ACVRL1: variants seen among roughly 807,000 people sequenced by gnomAD.
The protein encoded by ACVRL1 is activin receptor type-1-like.
In ACVRL1, 20 loss-of-function variants were observed where a neutral mutation model predicts 51.9. That is an observed-to-expected ratio of 0.39 (90% CI 0.27 to 0.56). The LOEUF is 0.56. Ranked by LOEUF, ACVRL1 falls within the 20% of genes least tolerant of loss-of-function variation. The pLI, the probability that ACVRL1 is intolerant of heterozygous loss-of-function variation, is 0.67. For synonymous variants in ACVRL1, 288 were observed against 280.9 expected (o/e 1.03, Z -0.25); for missense variants, 451 against 670.3 (o/e 0.67, Z 3.61).
In ACVRL1 at chr12:51,919,055, G is replaced by A; in HGVS notation, c.1317G>A (p.Lys439=). ...ATGACCCCAGCTTTGAGGACATGAAGAAGGTGGTGTGTGTGGATCAGCAGA... is the reference window on the plus strand; with the variant it reads ...ATGACCCCAGCTTTGAGGACATGAAAAAGGTGGTGTGTGTGGATCAGCAGA... ...VPNDPSFEDM[K]KVVCVDQQTP... Residue 439 remains lysine (K), a synonymous_variant, in exon 9 of 10, where the codon AAG becomes AAA. Coordinates refer to ENST00000388922, the MANE Select transcript of ACVRL1 (RefSeq NM_000020.3). 6.2e-7 allele frequency: 1 copy of A among 1,614,194 alleles called. No individual in the cohort carries two copies. The highest frequency in any genetic ancestry group is 8.5e-7 in the Non-Finnish European group (1 of 1,180,030).
Position 51,915,251 on chromosome 12 carries a change from C to A in ACVRL1, c.799C>A (p.Arg267Ser). 1 of 1,614,124 alleles carries A rather than the reference C, an allele frequency of 6.2e-7. No homozygotes were observed. Among genetic ancestry groups the A allele is most frequent in the Non-Finnish European group, 8.5e-7 (1 of 1,180,038 alleles). ...CTTCATCGCCTCAGACATGACCTCCCGCAACTCGAGCACGCAGCTGTGGCT... is the reference window on the plus strand; with the variant it reads ...CTTCATCGCCTCAGACATGACCTCCAGCAACTCGAGCACGCAGCTGTGGCT... Reference protein sequence around the residue: ...LGFIASDMTSRNSSTQLWLIT... With the variant: ...LGFIASDMTSSNSSTQLWLIT... The change falls in exon 7 of 10, where the codon CGC becomes AGC. Residue 267 changes from arginine (R) to serine (S), a missense_variant. Coordinates refer to ENST00000388922, the MANE Select transcript of ACVRL1 (RefSeq NM_000020.3).
Position 51,913,139 on chromosome 12 carries a change from C to T in ACVRL1, c.102C>T (p.Cys34=), listed in dbSNP as rs1226848374. ...CGTCTCGGGGCCCGCTGGTGACCTGCACGTGTGAGAGCCCACATTGCAAGG... is the reference window on the plus strand; with the variant it reads ...CGTCTCGGGGCCCGCTGGTGACCTGTACGTGTGAGAGCCCACATTGCAAGG... ...VKPSRGPLVT[C]TCESPHCKGP... The change falls in exon 3 of 10, where the codon TGC becomes TGT. Residue 34 remains cysteine, a synonymous_variant. Transcript: ENST00000388922. 2 of 1,606,902 alleles carry T rather than the reference C, an allele frequency of 1.2e-6. No homozygotes were observed. The highest frequency in any genetic ancestry group is 1.7e-6 in the Non-Finnish European group (2 of 1,178,982).
At chr12:51,918,850 T>G in intron 8 of ACVRL1, 135 bp from the exon 9 acceptor site, 1 of 1,214,562 alleles carries the variant, frequency 8.2e-7, no homozygotes, top group Non-Finnish European at 1.2e-6. Context: ...TGCATTATAC[T>G]GTCCCTCTCA....
Position 51,913,404 on chromosome 12 carries a change from C to T in ACVRL1, c.313+54C>T, listed in dbSNP as rs1475380019. On this transcript the variant is annotated intron_variant, in intron 3 of 9. Coordinates refer to ENST00000388922, the MANE Select transcript of ACVRL1 (RefSeq NM_000020.3). The stretch of plus-strand genomic sequence containing the variant: ...CCCATCTTCTTGGCCCCTGCCCTCC[C>T]TTCCCTCCTTTCCTCTCATGCTCTG... 5 of 1,594,842 alleles carry T rather than the reference C, an allele frequency of 3.1e-6. No individual in the cohort carries two copies. The Admixed American group carries it at 5.1e-5, about 16-fold the overall frequency.
chr12:51,915,293 G>C lies in ACVRL1; in HGVS notation c.841G>C (p.Glu281Gln), dbSNP rs779485996. 6.2e-7 allele frequency: 1 copy of C among 1,614,042 alleles called. No individual in the cohort carries two copies. The highest frequency in any genetic ancestry group is 8.5e-7 in the Non-Finnish European group (1 of 1,180,050). Residue 281 changes from glutamate (E) to glutamine (Q), a missense_variant, in exon 7 of 10, where the codon GAG becomes CAG. Coordinates refer to ENST00000388922, the MANE Select transcript of ACVRL1 (RefSeq NM_000020.3). ...TQLWLITHYH[E>Q]HGSLYDFLQR... is the part of the protein sequence containing the mutation. ...GCTGTGGCTCATCACGCACTACCACGAGCACGGCTCCCTCTACGACTTTCT... is the reference window on the plus strand; with the variant it reads ...GCTGTGGCTCATCACGCACTACCACCAGCACGGCTCCCTCTACGACTTTCT...
At chr12:51,912,026 T>C (rs1413668066) in intron 1 of ACVRL1, among the ~76,000 whole-genome samples, 1 of 152,086 alleles carries the variant, frequency 6.6e-6, no homozygotes, top group East Asian at 1.9e-4. Context: ...TGTTTATGTT[T>C]GAGGCAGCCA....
rs1234976168 is a variant in ACVRL1, at chr12:51,916,143, C to T, written c.1156C>T (p.Arg386Cys). 9 of 1,614,180 alleles carry T rather than the reference C, an allele frequency of 5.6e-6. No homozygotes were observed. The highest frequency in any genetic ancestry group is 2.2e-5 in the East Asian group (1 of 44,872). ...MAPEVLDEQI[R>C]TDCFESYKWT... Reference sequence around the variant, plus strand: ...ACCCGAGGTGCTGGACGAGCAGATCCGCACGGACTGCTTTGAGTCCTACAA... The same window carrying T: ...ACCCGAGGTGCTGGACGAGCAGATCTGCACGGACTGCTTTGAGTCCTACAA... The change falls in exon 8 of 10, where the codon CGC becomes TGC. Residue 386 changes from arginine (R) to cysteine (C), a missense_variant. Physicochemically the swap from Arg to Cys is radical, Grantham distance 180. Coordinates refer to ENST00000388922, the MANE Select transcript of ACVRL1 (RefSeq NM_000020.3).
At chr12:51,911,316 A>G (rs1940683467) in intron 1 of ACVRL1, among the ~76,000 whole-genome samples, 1 of 152,136 alleles carries the variant, frequency 6.6e-6, no homozygotes, top group Non-Finnish European at 1.5e-5. Flanking sequence ...TACTCCCCCT[A>G]ACACTCTCCA....
At chr12:51,919,343 G>T in intron 9 of ACVRL1, 2 of 617,344 alleles carry the variant, frequency 3.2e-6, no homozygotes, top group Non-Finnish European at 5.7e-6. Flanking sequence ...CCTGTGAAAA[G>T]TCAGAGGCTA....
At chr12:51,920,272 A>G (rs1592227819) in intron 9 of ACVRL1, among the ~76,000 whole-genome samples, 2 of 152,202 alleles carry the variant, frequency 1.3e-5, no homozygotes, top group Non-Finnish European at 2.9e-5. Flanking sequence ...GAGGGGCTGG[A>G]AGACACTGCC....
chr12:51,915,793 C>T (rs760871890), intron 7 of ACVRL1: 10 of 633,096 alleles, frequency 1.6e-5, no homozygotes, highest in South Asian at 4.1e-5. Context: ...GAAGTGGGCT[C>T]ATAATGCCTG....
intron 1 of ACVRL1, among the ~76,000 whole-genome samples, chr12:51,911,162 C>T (rs1257165054): frequency 6.6e-6 from 1 of 152,228 alleles, no homozygotes; most frequent in African/African-American, 2.4e-5. Context: ...TTCAGAAAGT[C>T]CTGTTGCTGT....
intron 9 of ACVRL1, among the ~76,000 whole-genome samples, chr12:51,920,333 T>C (rs1169968995): frequency 6.6e-6 from 1 of 152,188 alleles, no homozygotes; most frequent in African/African-American, 2.4e-5. Flanking sequence ...GCCCCCAGGC[T>C]TGAAGAATCG....
intron 6 of ACVRL1, 132 bp from the exon 7 acceptor site, chr12:51,915,093 C>T: frequency 9.6e-7 from 1 of 1,042,864 alleles, no homozygotes; most frequent in Non-Finnish European, 1.5e-6. Flanking sequence ...GCCACATCAA[C>T]CCCCACCCCC....
intron 9 of ACVRL1, among the ~76,000 whole-genome samples, chr12:51,919,775 C>G (rs1940926098): frequency 6.6e-6 from 1 of 152,120 alleles, no homozygotes; most frequent in Admixed American, 6.6e-5. Context: ...AAACACTTCA[C>G]TTGTACAAAG....
At chr12:51,918,469 G>T (rs1940894240) in intron 8 of ACVRL1, among the ~76,000 whole-genome samples, 1 of 152,218 alleles carries the variant, frequency 6.6e-6, no homozygotes, top group Admixed American at 6.5e-5. Context: ...TCTTAGGACA[G>T]CACCTGGCAT....
rs1940627398 is a variant in ACVRL1, at chr12:51,907,896, A to AGACTG, written c.-6+209_-6+213dup. 1.3e-5 allele frequency among the ~76,000 whole-genome samples: 2 copies of AGACTG among 152,230 alleles called. No individual in the cohort carries two copies. Among genetic ancestry groups the AGACTG allele is most frequent in the African/African-American group, 4.8e-5 (2 of 41,468 alleles). The stretch of plus-strand genomic sequence containing the variant: ...CCTGAGACTTGGAGGGGAATGGACG[A>AGACTG]GACTGGACTGGAAATCAGAAACTTG... On this transcript the variant is annotated intron_variant, in intron 1 of 9. Transcript: ENST00000388922. The surrounding 1 kb of genome is among the most constrained non-coding windows in gnomAD (Gnocchi z 4.5).
Position 51,920,931 on chromosome 12 carries a change from T to TGGGGGGTGGGGGGGGGGG in ACVRL1, c.*44_*45insTGGGGGGGGGGGGGGGGG. On this transcript the variant is annotated 3_prime_UTR_variant, in exon 10 of 10. Transcript: ENST00000388922. ...TGATTCCTTTCTGCCTGCAGGGGGCTGGGGGGGTGGGGGGCAGTGGATGGT... is the reference window on the plus strand; with the variant it reads ...TGATTCCTTTCTGCCTGCAGGGGGCTGGGGGGTGGGGGGGGGGGGGGGGGGTGGGGGGCAGTGGATGGT... The TGGGGGGTGGGGGGGGGGG allele has an allele frequency of 2.0e-5, 4 of 203,026 alleles. No homozygotes were observed. Among genetic ancestry groups the TGGGGGGTGGGGGGGGGGG allele is most frequent in the Non-Finnish European group, 3.8e-5 (4 of 104,508 alleles). The allele number at this position is 203,026 out of a possible 1,614,324, so 12.6% of individuals were successfully genotyped here. A position where few individuals can be genotyped will look rare whatever the true frequency, so the allele number is the denominator to read the frequency against.
chr12:51,919,270 G>A (rs1442321056), intron 9 of ACVRL1, 155 bp downstream of exon 9: 1 of 1,182,758 alleles, frequency 8.5e-7, no homozygotes, highest in African/African-American at 1.5e-5. Context: ...TTTCAACCCT[G>A]GCCCATGCTC....
Sources: allele counts gnomAD v4.1 joint callset (sites outside exome capture counted in the v4.1 genomes callset), GRCh38; gene constraint gnomAD v4.1.1; non-coding constraint Gnocchi (gnomAD v3.1); transcripts MANE v1.5; gene names NCBI Gene and HGNC (gene_info 2026-07-23, HGNC 2026-07-21).